The following MICAL3 variants were observed in gnomAD, a reference collection of about 807,000 sequenced individuals.
MICAL3 encodes the protein microtubule associated monooxygenase, calponin and LIM domain containing 3.
In MICAL3, 62 loss-of-function variants were observed where a neutral mutation model predicts 207.4. The observed-to-expected ratio is 0.30, with a 90% confidence interval of 0.24 to 0.37. The LOEUF (loss-of-function observed/expected upper bound fraction) is 0.37, where lower values mean the gene tolerates loss of function less well. Among genes scored for constraint, MICAL3 ranks in the 10% least tolerant of loss-of-function variants. MICAL3 has a pLI of 1.00. For missense variants in MICAL3, 2,368 were observed against 2,635.6 expected (o/e 0.90, Z 2.22); for synonymous variants, 1,077 against 1,069.3 (o/e 1.01, Z -0.14).
At chr22:17,924,399 A>G (rs1932867127) in intron 1 of MICAL3, among the ~76,000 whole-genome samples, 1 of 152,220 alleles carries the variant, frequency 6.6e-6, no homozygotes, top group South Asian at 2.1e-4. Context: ...CACTGGGGCA[A>G]GGAAAAGCCA....
At chr22:17,822,393 A>G (rs1406741286) in intron 23 of MICAL3, among the ~76,000 whole-genome samples, 2 of 152,210 alleles carry the variant, frequency 1.3e-5, no homozygotes, top group East Asian at 3.9e-4. Flanking sequence ...GGCCGCATCA[A>G]AGCCTGTGGG....
chr22:17,794,477 G>A (rs946072860), intron 29 of MICAL3, among the ~76,000 whole-genome samples: 5 of 152,262 alleles, frequency 3.3e-5, no homozygotes, highest in African/African-American at 7.2e-5. Context: ...ATCCGGTGAC[G>A]GGCCTCCAGG....
At chr22:17,992,209 G>A (rs1031764810) in intron 1 of MICAL3, among the ~76,000 whole-genome samples, 1 of 152,200 alleles carries the variant, frequency 6.6e-6, no homozygotes, top group African/African-American at 2.4e-5. Flanking sequence ...GCAGGCAAGG[G>A]AAATGGTCCC....
In MICAL3 at chr22:17,863,494, T is replaced by G. The variant is rs567972990; in HGVS notation, c.2605+1405A>C. On this transcript the variant is annotated intron_variant, in intron 19 of 31. Transcript: ENST00000441493. ...TCAGCTGCAAAGGCCTGTGGGTACT[T>G]CACGAGAAAGATGGATTATAAAGAT... The G allele has an allele frequency of 6.7e-5, 66 of 985,450 alleles. 1 individual carries two copies. In the South Asian group the frequency reaches 2.7e-3, roughly 41 times the overall value. The allele number at this position is 985,450 out of a possible 1,614,324, so 61.0% of individuals were successfully genotyped here.
intron 1 of MICAL3, among the ~76,000 whole-genome samples, chr22:17,933,865 A>C (rs573455958): frequency 6.6e-6 from 1 of 152,380 alleles, no homozygotes; most frequent in East Asian, 1.9e-4. Context: ...ATAAACTAGA[A>C]AATCTAGAAG....
chr22:17,975,691 C>T (rs1051831821), intron 1 of MICAL3, among the ~76,000 whole-genome samples: 8 of 152,090 alleles, frequency 5.3e-5, no homozygotes, highest in African/African-American at 1.4e-4. Flanking sequence ...AAGTGTGTCC[C>T]CAAAAAACAG....
chr22:18,023,108 G>C (rs547608142), intron 1 of MICAL3, among the ~76,000 whole-genome samples: 1 of 152,016 alleles, frequency 6.6e-6, no homozygotes, highest in Non-Finnish European at 1.5e-5. Context: ...CTATTACCAA[G>C]TTCACCTGGA....
intron 1 of MICAL3, among the ~76,000 whole-genome samples, chr22:17,914,266 T>TG (rs1932330544): frequency 7.4e-6 from 1 of 135,164 alleles, no homozygotes; most frequent in Non-Finnish European, 1.7e-5. Context: ...GAGAATGGCA[T>TG]TGGGTGGAGG....
rs563549337 is a variant in MICAL3, at chr22:17,867,939, T to C, written c.2429-1927A>G. Among the ~76,000 whole-genome samples, 3 of 152,350 alleles carry C rather than the reference T, an allele frequency of 2.0e-5. No individual in the cohort carries two copies. In the East Asian group the frequency reaches 5.8e-4, roughly 29 times the overall value. On this transcript the variant is annotated intron_variant, in intron 17 of 31. Transcript: ENST00000441493. ...AAAAGTGGAAACCCAGATCTTAAAG[T>C]ATAACTCAATTGAACTCAACTGAAT...
intron 1 of MICAL3, among the ~76,000 whole-genome samples, chr22:17,967,279 A>G (rs1935182911): frequency 1.3e-5 from 2 of 152,218 alleles, no homozygotes; most frequent in African/African-American, 4.8e-5. Context: ...AATGCCTAAC[A>G]ATAAAAAAGC....
chr22:17,803,147 G>A (rs919152637), intron 29 of MICAL3, among the ~76,000 whole-genome samples: 3 of 152,188 alleles, frequency 2.0e-5, no homozygotes, highest in African/African-American at 7.2e-5. Flanking sequence ...GCTCCTAGGT[G>A]ATGTTGCTGC....
Position 17,889,109 on chromosome 22 carries a change from C to T in MICAL3, c.1816G>A (p.Glu606Lys). The change falls in exon 13 of 32, where the codon GAG becomes AAG. Residue 606 changes from glutamate (E) to lysine (K), a missense_variant. This residue lies in a region of MICAL3 where 1,770 missense variants were observed against 1,863.2 expected (regional missense o/e 0.95). Coordinates refer to ENST00000441493, the MANE Select transcript of MICAL3 (RefSeq NM_015241.3). ...ATCACCATGGACAGCTTATCAGGCT[C>T]CCCCACGGAGGCCATTTCTTTGCCT... is the stretch of plus-strand genomic sequence containing the variant. ...MTGKEMASVG[E>K]PDKLSMVMYL... The T allele has an allele frequency of 6.2e-7, 1 of 1,613,792 alleles. No homozygotes were observed. Among genetic ancestry groups the T allele is most frequent in the Non-Finnish European group, 8.5e-7 (1 of 1,179,746 alleles).
In MICAL3 at chr22:17,832,030, C is replaced by A; in HGVS notation, c.2879G>T (p.Gly960Val). Residue 960 changes from glycine (G) to valine (V), a missense_variant, in exon 21 of 32, where the codon GGT becomes GTT. Around this residue, in one of 4 missense-constraint regions of MICAL3, gnomAD observed 1,770 missense variants for 1,863.2 expected, o/e 0.95. Transcript: ENST00000441493. ...EPRLPPSDLG[G>V]VPWKEAVRIH... ...CCGCACGGCCTCCTTCCACGGAACA[C>A]CACCCAGGTCAGATGGGGGCAGGCG... 1 of 1,606,358 alleles carries A rather than the reference C, an allele frequency of 6.2e-7. No homozygotes were observed. The highest frequency in any genetic ancestry group is 1.1e-5 in the South Asian group (1 of 89,450).
rs376967291 is a variant in MICAL3, at chr22:17,896,833, A to G, written c.1097T>C (p.Val366Ala). 1.0e-4 allele frequency: 169 copies of G among 1,614,038 alleles called. No homozygotes were observed. Among genetic ancestry groups the G allele is most frequent in the Non-Finnish European group, 1.4e-4 (160 of 1,180,036 alleles). The change falls in exon 8 of 32, where the codon GTG (valine) becomes GCG (alanine). Residue 366 changes from valine to alanine, a missense_variant. By Grantham distance (64) the Val-to-Ala change is moderately conservative. Around this residue, in one of 4 missense-constraint regions of MICAL3, gnomAD observed 400 missense variants for 547.0 expected, o/e 0.73. Coordinates refer to ENST00000441493, the MANE Select transcript of MICAL3 (RefSeq NM_015241.3). ...FAINHYGQPD[V>A]AMFDFTCMYA... ...CATACAAGTGAAGTCAAACATGGCCACATCGGGCTGCCCATAGTGATTGAT... is the reference window on the plus strand; with the variant it reads ...CATACAAGTGAAGTCAAACATGGCCGCATCGGGCTGCCCATAGTGATTGAT...
chr22:17,988,940 G>A (rs113114607), intron 1 of MICAL3, among the ~76,000 whole-genome samples: 7 of 152,282 alleles, frequency 4.6e-5, no homozygotes, highest in East Asian at 1.9e-4. Context: ...GGGAGCAGCC[G>A]CGGAGTCCAA....
At chr22:17,897,076 C>T in intron 7 of MICAL3, 95 bp from the exon 8 acceptor site, 1 of 1,385,186 alleles carries the variant, frequency 7.2e-7, no homozygotes, top group Non-Finnish European at 9.7e-7. Flanking sequence ...TCTTCTTCCC[C>T]CTAAAGTGAC....
At chr22:17,879,758 C>T (rs940954186) in intron 16 of MICAL3, among the ~76,000 whole-genome samples, 5 of 152,182 alleles carry the variant, frequency 3.3e-5, no homozygotes, top group African/African-American at 1.2e-4. Flanking sequence ...AAGGGTGACA[C>T]ATTCCACAAC....
At chr22:17,982,368 A>G (rs1369303315) in intron 1 of MICAL3, among the ~76,000 whole-genome samples, 1 of 152,240 alleles carries the variant, frequency 6.6e-6, no homozygotes, top group African/African-American at 2.4e-5. Flanking sequence ...AAAACTCAGC[A>G]TACGCTGAAA....
At position 17,832,127 on chromosome 22, in the gene MICAL3, T is replaced by C. The variant is rs1391675002; in HGVS notation, c.2802-20A>G. ...GAACTACTGTGAGGAAATAACCACA[T>C]AGCCAGAGTGAGGGAATGAAGAAAA... On this transcript the variant is annotated intron_variant, in intron 20 of 31. Coordinates refer to ENST00000441493, the MANE Select transcript of MICAL3 (RefSeq NM_015241.3). 6 of 1,556,214 alleles carry C rather than the reference T, an allele frequency of 3.9e-6. No homozygotes were observed. The highest frequency in any genetic ancestry group is 1.4e-5 in the African/African-American group (1 of 73,396).
Sources: gnomAD v4.1 joint callset for allele counts (sites outside exome capture counted in the v4.1 genomes callset) on GRCh38, gnomAD v4.1.1 for gene constraint, gnomAD v4.1.1 regional missense constraint, MANE v1.5 for transcripts, NCBI Gene and HGNC (gene_info 2026-07-23, HGNC 2026-07-21) for gene names.